Variants in SGCZ observed in about 807,000 individuals in gnomAD.
SGCZ encodes zeta-sarcoglycan.
Under a neutral mutation model 41.3 loss-of-function variants are expected in SGCZ, and 40 were observed. That is an observed-to-expected ratio of 0.97 (90% CI 0.75 to 1.26). The LOEUF is 1.26. Ranked by LOEUF, SGCZ falls within the 50% of genes most tolerant of loss-of-function variation. The probability of loss-of-function intolerance (pLI) is 0.00; values close to 1 mark genes in which losing one functional copy is unlikely to be tolerated. For synonymous variants in SGCZ, 206 were observed against 137.5 expected (o/e 1.50, Z -3.49); for missense variants, 552 against 369.8 (o/e 1.49, Z -4.04).
chr8:15,050,360 A>G (rs17120794), intron 1 of SGCZ, among the ~76,000 whole-genome samples: 6,410 of 152,230 alleles, frequency 0.042, 152 homozygotes, highest in Non-Finnish European at 0.056. Flanking sequence ...AATTGGGAAG[A>G]GCTAACCTAT....
intron 1 of SGCZ, among the ~76,000 whole-genome samples, chr8:14,975,470 C>T (rs1289831701): frequency 6.6e-6 from 1 of 152,090 alleles, no homozygotes; most frequent in Admixed American, 6.6e-5. Context: ...GATATGTAGG[C>T]TTCCATGCTA....
At chr8:14,621,997 C>T (rs1585132175) in intron 1 of SGCZ, among the ~76,000 whole-genome samples, 1 of 151,970 alleles carries the variant, frequency 6.6e-6, no homozygotes, top group Admixed American at 6.6e-5. Context: ...CCTATTTGTG[C>T]TCTACAGATA....
chr8:14,365,380 C>T (rs1233864924), intron 2 of SGCZ, among the ~76,000 whole-genome samples: 1 of 152,018 alleles, frequency 6.6e-6, no homozygotes, highest in African/African-American at 2.4e-5. Context: ...TTGAACAATG[C>T]CTTCAGTCCC....
intron 1 of SGCZ, among the ~76,000 whole-genome samples, chr8:14,713,022 G>T (rs1166728376): frequency 1.3e-5 from 2 of 151,940 alleles, no homozygotes; most frequent in Non-Finnish European, 2.9e-5. Context: ...TACTGTGTAG[G>T]CCCCTAGTTG....
At chr8:14,578,022 G>C (rs1804768987) in intron 1 of SGCZ, among the ~76,000 whole-genome samples, 1 of 152,150 alleles carries the variant, frequency 6.6e-6, no homozygotes, top group Non-Finnish European at 1.5e-5. Context: ...AAAGGGCCAG[G>C]AAAAATGACG....
At chr8:14,205,619 C>T (rs910725137) in intron 4 of SGCZ, among the ~76,000 whole-genome samples, 1 of 152,092 alleles carries the variant, frequency 6.6e-6, no homozygotes, top group Non-Finnish European at 1.5e-5. Flanking sequence ...ACAAAGCAAA[C>T]TATATAATCC....
In SGCZ at chr8:14,756,427, C is replaced by T. The variant is rs530281360; in HGVS notation, c.40-201501G>A. Among the ~76,000 whole-genome samples the T allele has an allele frequency of 7.9e-5, 12 of 152,182 alleles. No homozygotes were observed. The South Asian group carries it at 2.1e-3, about 26-fold the overall frequency. On this transcript the variant is annotated intron_variant, in intron 1 of 7. Transcript: ENST00000382080. ...CTCAAACTCCCGACCTCAGGTGATC[C>T]GCCCATCTGGGCCTCCCAAAGTGGT...
At chr8:14,176,098 A>T (rs2117010767) in intron 4 of SGCZ, among the ~76,000 whole-genome samples, 1 of 152,308 alleles carries the variant, frequency 6.6e-6, no homozygotes, top group Non-Finnish European at 1.5e-5. Context: ...CTGAATCTTA[A>T]TAGGAGATTA....
chr8:14,538,999 G>A (rs1034215097), intron 2 of SGCZ, among the ~76,000 whole-genome samples: 6 of 151,922 alleles, frequency 3.9e-5, no homozygotes, highest in African/African-American at 1.5e-4. Context: ...CTGGTGTTCT[G>A]GTGCTGAAGA....
At chr8:14,656,488 C>G (rs1364091540) in intron 1 of SGCZ, among the ~76,000 whole-genome samples, 1 of 145,400 alleles carries the variant, frequency 6.9e-6, no homozygotes, top group Non-Finnish European at 1.5e-5. Flanking sequence ...CTTTCTCCCT[C>G]TCTTTCCTCC....
chr8:14,549,770 A>C (rs1211653429), intron 2 of SGCZ, among the ~76,000 whole-genome samples: 1 of 152,124 alleles, frequency 6.6e-6, no homozygotes, highest in Non-Finnish European at 1.5e-5. Context: ...CAGACAAATA[A>C]AAGAATAAAT....
At chr8:14,506,885 C>T (rs1259343612) in intron 2 of SGCZ, among the ~76,000 whole-genome samples, 1 of 152,170 alleles carries the variant, frequency 6.6e-6, no homozygotes, top group African/African-American at 2.4e-5. Context: ...TTTGCAGGCT[C>T]CTCCTCATCC....
intron 1 of SGCZ, among the ~76,000 whole-genome samples, chr8:14,894,548 G>A (rs565067083): frequency 7.5e-4 from 114 of 152,204 alleles, no homozygotes; most frequent in Admixed American, 2.9e-3. Flanking sequence ...ATGAACAGGA[G>A]CTTATCTTTG....
intron 1 of SGCZ, among the ~76,000 whole-genome samples, chr8:15,234,514 G>C (rs1017481056): frequency 2.6e-5 from 4 of 152,188 alleles, no homozygotes; most frequent in African/African-American, 9.6e-5. Flanking sequence ...TGTTTCATCA[G>C]GAGTTTGTGG....
chr8:15,200,563 G>A (rs1415840717), intron 1 of SGCZ, among the ~76,000 whole-genome samples: 1 of 152,118 alleles, frequency 6.6e-6, no homozygotes, highest in African/African-American at 2.4e-5. Context: ...AAGTAACTAC[G>A]AATAACTATA....
chr8:14,524,199 G>A (rs927711263), intron 2 of SGCZ, among the ~76,000 whole-genome samples: 1 of 150,388 alleles, frequency 6.6e-6, no homozygotes, highest in South Asian at 2.1e-4. Flanking sequence ...ACAAGGCTCT[G>A]TTTCAATTTT....
chr8:14,888,802 T>A (rs915010813), intron 1 of SGCZ, among the ~76,000 whole-genome samples: 2 of 152,168 alleles, frequency 1.3e-5, no homozygotes, highest in Non-Finnish European at 2.9e-5. Context: ...CAAAAATATG[T>A]AAGTTTTATT....
intron 1 of SGCZ, among the ~76,000 whole-genome samples, chr8:14,799,500 T>A (rs1395565828): frequency 6.6e-6 from 1 of 152,018 alleles, no homozygotes; most frequent in Non-Finnish European, 1.5e-5. Context: ...TTAACCAGTC[T>A]AACCCTGGCA....
At chr8:14,503,525 T>G (rs927324926) in intron 2 of SGCZ, among the ~76,000 whole-genome samples, 2 of 151,914 alleles carry the variant, frequency 1.3e-5, no homozygotes, top group Non-Finnish European at 2.9e-5. Context: ...ATCCCAGCAC[T>G]TTAGGAGGTT....
Sources: allele counts gnomAD v4.1 joint callset (sites outside exome capture counted in the v4.1 genomes callset), GRCh38; gene constraint gnomAD v4.1.1; transcripts MANE v1.5; gene names NCBI Gene and HGNC (gene_info 2026-07-23, HGNC 2026-07-21).